Variants in ZSWIM6 observed in about 807,000 individuals in gnomAD.
ZSWIM6 encodes zinc finger SWIM domain-containing protein 6.
A neutral mutation model predicts 113.2 loss-of-function variants in ZSWIM6; 9 were observed. The ratio of observed to expected loss-of-function variants is 0.08; its 90% CI spans 0.05 to 0.14. The LOEUF is 0.14. Ranked by LOEUF, ZSWIM6 falls within the 10% of genes least tolerant of loss-of-function variation. The pLI is 1.00. For synonymous variants in ZSWIM6, 611 were observed against 606.5 expected, an observed-to-expected ratio of 1.01 and a Z score of -0.11; for missense variants, 1,162 against 1,552.2, an observed-to-expected ratio of 0.75 and a Z score of 4.22.
intron 1 of ZSWIM6, among the ~76,000 whole-genome samples, chr5:61,394,401 C>T (rs910364609): frequency 1.1e-4 from 16 of 152,194 alleles, no homozygotes; most frequent in Non-Finnish European, 2.2e-4. Context: ...CACCCTGGCA[C>T]CCCCAGCATG....
chr5:61,463,088 C>T (rs992453716), intron 1 of ZSWIM6, among the ~76,000 whole-genome samples: 4 of 152,102 alleles, frequency 2.6e-5, no homozygotes, highest in African/African-American at 9.7e-5. Flanking sequence ...TGTTGTAAAA[C>T]AGTCTCTTTG....
intron 1 of ZSWIM6, among the ~76,000 whole-genome samples, chr5:61,340,768 C>T (rs562458059): frequency 1.3e-5 from 2 of 152,214 alleles, no homozygotes; most frequent in East Asian, 1.9e-4. Flanking sequence ...AACTTGAACT[C>T]TTTGGAGGGG....
chr5:61,537,017 T>G (rs1291365989), intron 10 of ZSWIM6, among the ~76,000 whole-genome samples: 15 of 152,218 alleles, frequency 9.9e-5, no homozygotes. Context: ...TATGCTCAAC[T>G]CTATACTTAC....
intron 1 of ZSWIM6, among the ~76,000 whole-genome samples, chr5:61,444,061 A>C (rs1268716150): frequency 6.6e-6 from 1 of 150,810 alleles, no homozygotes; most frequent in East Asian, 2.0e-4. Context: ...CTCGTCATTT[A>C]GCATTAGGTA....
chr5:61,520,048 A>G (rs1369475884), intron 4 of ZSWIM6, among the ~76,000 whole-genome samples: 1 of 152,182 alleles, frequency 6.6e-6, no homozygotes, highest in Non-Finnish European at 1.5e-5. Flanking sequence ...CCAGGTTCCT[A>G]ACAGGCCATG....
At chr5:61,447,153 T>C (rs1361801260) in intron 1 of ZSWIM6, among the ~76,000 whole-genome samples, 1 of 152,080 alleles carries the variant, frequency 6.6e-6, no homozygotes, top group Non-Finnish European at 1.5e-5. Context: ...CCTGGATACA[T>C]GGAACTCCAT....
chr5:61,517,934 A>ACCCC (rs1748999204), intron 4 of ZSWIM6, among the ~76,000 whole-genome samples: 1 of 85,518 alleles, frequency 1.2e-5, no homozygotes, highest in African/African-American at 4.6e-5. Context: ...TCCAAATGCT[A>ACCCC]TCCCTCCCCC....
chr5:61,486,811 TTTCC>T (rs1313914746), intron 2 of ZSWIM6, among the ~76,000 whole-genome samples: 4 of 151,972 alleles, frequency 2.6e-5, no homozygotes, highest in African/African-American at 9.7e-5. Context: ...TTTTGTTTGA[TTTCC>T]TTGTAAATTC....
At chr5:61,533,063 A>G (rs1012856113) in intron 9 of ZSWIM6, among the ~76,000 whole-genome samples, 1 of 152,126 alleles carries the variant, frequency 6.6e-6, no homozygotes, top group Non-Finnish European at 1.5e-5. Context: ...TCCATTTTTC[A>G]TGAATATTTT....
chr5:61,459,489 A>ATATC (rs1020011501), intron 1 of ZSWIM6, among the ~76,000 whole-genome samples: 2 of 152,230 alleles, frequency 1.3e-5, no homozygotes, highest in African/African-American at 4.8e-5. Context: ...CAAAAGTCAC[A>ATATC]CTTTAATCAA....
At chr5:61,494,009 G>A (rs1489798982) in intron 3 of ZSWIM6, among the ~76,000 whole-genome samples, 1 of 151,820 alleles carries the variant, frequency 6.6e-6, no homozygotes, top group African/African-American at 2.4e-5. Flanking sequence ...AATAATTAAT[G>A]GTCATTTCTT....
At chr5:61,393,472 A>G (rs879540424) in intron 1 of ZSWIM6, among the ~76,000 whole-genome samples, 5 of 152,218 alleles carry the variant, frequency 3.3e-5, no homozygotes, top group Admixed American at 6.5e-5. Flanking sequence ...AGAATTGCTT[A>G]TATAATTTTA....
chr5:61,505,003 G>A (rs1436721314), intron 4 of ZSWIM6, among the ~76,000 whole-genome samples: 1 of 152,076 alleles, frequency 6.6e-6, no homozygotes, highest in Non-Finnish European at 1.5e-5. Context: ...GGAAAATTTT[G>A]GCAATAGATG....
At chr5:61,360,151 C>T (rs1745003677) in intron 1 of ZSWIM6, among the ~76,000 whole-genome samples, 1 of 152,178 alleles carries the variant, frequency 6.6e-6, no homozygotes, top group Non-Finnish European at 1.5e-5. Context: ...ATTGGTTCTG[C>T]TGCTTTGGAG....
intron 4 of ZSWIM6, among the ~76,000 whole-genome samples, chr5:61,506,872 ATTGT>A (rs1286601856): frequency 2.0e-5 from 3 of 152,166 alleles, no homozygotes; most frequent in African/African-American, 7.2e-5. Context: ...AATATTATGA[ATTGT>A]TTAATAGCCG....
intron 2 of ZSWIM6, among the ~76,000 whole-genome samples, chr5:61,475,921 C>T (rs978995659): frequency 6.6e-6 from 1 of 152,168 alleles, no homozygotes; most frequent in African/African-American, 2.4e-5. Flanking sequence ...TTTGTGGATA[C>T]ACTTTTTCTT....
rs1050434461 is a variant in ZSWIM6, at chr5:61,544,403, T to TA, written c.*89dup. 6 of 919,280 alleles carry TA rather than the reference T, an allele frequency of 6.5e-6. No individual in the cohort carries two copies. The highest frequency in any genetic ancestry group is 3.3e-5 in the African/African-American group (2 of 60,238). The allele number at this position is 919,280 out of a possible 1,614,324, so 56.9% of individuals were successfully genotyped here. A position where few individuals can be genotyped will look rare whatever the true frequency, so the allele number is the denominator to read the frequency against. The stretch of plus-strand genomic sequence containing the variant: ...GCCTGCCTTTGTACCCTTTTTAACT[T>TA]AAAGAACAGAGCCACACCGGTATTA... On this transcript the variant is annotated 3_prime_UTR_variant, in exon 14 of 14. Coordinates refer to ENST00000252744, the MANE Select transcript of ZSWIM6 (RefSeq NM_020928.2).
Position 61,434,788 on chromosome 5 carries a change from G to A in ZSWIM6, c.677-37893G>A, listed in dbSNP as rs147877281. Among the ~76,000 whole-genome samples the A allele has an allele frequency of 9.0e-3, 1,364 of 152,160 alleles. 9 individuals are homozygous for A. Among genetic ancestry groups the A allele is most frequent in the Admixed American group, 0.014 (212 of 15,284 alleles). On this transcript the variant is annotated intron_variant, in intron 1 of 13. Transcript: ENST00000252744. ...GAATAGACTTAGTTTTTTTATGGGAGGGGTGGAGTGGAGGATGTGAAAAAA... is the reference window on the plus strand; with the variant it reads ...GAATAGACTTAGTTTTTTTATGGGAAGGGTGGAGTGGAGGATGTGAAAAAA...
chr5:61,475,341 C>T (rs1226703207), intron 2 of ZSWIM6, among the ~76,000 whole-genome samples: 1 of 152,026 alleles, frequency 6.6e-6, no homozygotes, highest in Non-Finnish European at 1.5e-5. Context: ...ATAGTAGCCC[C>T]TAAAGTTTCT....
Sources: gnomAD v4.1 joint callset for allele counts (sites outside exome capture counted in the v4.1 genomes callset) on GRCh38, gnomAD v4.1.1 for gene constraint, MANE v1.5 for transcripts, NCBI Gene and HGNC (gene_info 2026-07-23, HGNC 2026-07-21) for gene names.